Variants in SHPRH observed in about 807,000 individuals in gnomAD.
SHPRH encodes SNF2 histone linker PHD RING helicase, also known as E3 ubiquitin-protein ligase SHPRH.
SHPRH carries 106 observed loss-of-function variants against 202.5 expected under a neutral mutation model. The ratio of observed to expected loss-of-function variants is 0.52; its 90% confidence interval spans 0.45 to 0.62. The LOEUF (loss-of-function observed/expected upper bound fraction) is 0.62, where lower values mean the gene tolerates loss of function less well. SHPRH is among the 20% of genes least tolerant of loss of function. SHPRH has a pLI of 0.00. For synonymous variants in SHPRH, 729 were observed against 686.0 expected (o/e 1.06, Z -0.98); for missense variants, 1,710 against 2,020.0 (o/e 0.85, Z 2.94).
intron 16 of SHPRH, 50 bp downstream of exon 16, chr6:145,926,154 A>C (rs561386228): frequency 2.0e-6 from 3 of 1,494,874 alleles, no homozygotes; most frequent in Non-Finnish European, 2.8e-6. Flanking sequence ...TATGGAGCAT[A>C]AAGTTTGAAG....
intron 25 of SHPRH, chr6:145,906,682 T>G (rs1389508755): frequency 6.6e-6 from 1 of 152,112 alleles, no homozygotes; most frequent in Non-Finnish European, 1.5e-5. Flanking sequence ...TAGGTTCTGG[T>G]TACAATTCTG....
chr6:145,910,406 AT>A (rs1465221910), intron 25 of SHPRH, 41 bp downstream of exon 25: 1 of 1,594,752 alleles, frequency 6.3e-7, no homozygotes, highest in African/African-American at 1.3e-5. Context: ...CCTATATTAT[AT>A]TGCCTTACCT....
At chr6:145,949,515 T>C (rs904720734) in intron 4 of SHPRH, among the ~76,000 whole-genome samples, 3 of 152,092 alleles carry the variant, frequency 2.0e-5, no homozygotes, top group Non-Finnish European at 4.4e-5. Flanking sequence ...ATGTTCTTAC[T>C]TACAAGTGTG....
chr6:145,874,362 G>C (rs1780205948), intron 2 of SHPRH, among the ~76,000 whole-genome samples: 1 of 151,990 alleles, frequency 6.6e-6, no homozygotes, highest in Admixed American at 6.6e-5. Context: ...CAGTTGATAG[G>C]CTGGAAGAAC....
chr6:145,924,579 GC>G (rs1784702251), intron 17 of SHPRH, among the ~76,000 whole-genome samples, 159 bp downstream of exon 17: 1 of 151,852 alleles, frequency 6.6e-6, no homozygotes. Flanking sequence ...ATAAATCATT[GC>G]TAACAGTAAA....
intron 24 of SHPRH, 88 bp from the exon 25 acceptor site, chr6:145,910,724 C>T (rs1783417566): frequency 1.6e-6 from 2 of 1,262,340 alleles, no homozygotes. Context: ...AATTTTTCCT[C>T]CTAAAGATTT....
rs767378852 is a variant in SHPRH, at chr6:145,950,245, T to C, written c.982+19A>G. The C allele has an allele frequency of 1.9e-6, 3 of 1,609,508 alleles. No individual in the cohort carries two copies. In the East Asian group the frequency reaches 6.7e-5, roughly 36 times the overall value. The stretch of plus-strand genomic sequence containing the variant: ...ATCTCTCTAATCAATTGGACTTTCT[T>C]TAAACATCTTATTCTTACCAGTAGC... On this transcript the variant is annotated intron_variant, in intron 4 of 29. Transcript: ENST00000275233.
In SHPRH at chr6:145,943,357, A is replaced by G. The variant is rs1787000730; in HGVS notation, c.2024T>C (p.Val675Ala). 6.2e-7 allele frequency: 1 copy of G among 1,613,866 alleles called. No homozygotes were observed. Among genetic ancestry groups the G allele is most frequent in the African/African-American group, 1.3e-5 (1 of 74,902 alleles). ...ELDQIDRKPR[V>A]QCLKCHLWQH... ...CCACAGGTGACACTTCAGGCATTGA[A>G]CACGAGGCTTACGATCTATCTGATC... is the stretch of plus-strand genomic sequence containing the variant. Residue 675 changes from valine (V) to alanine (A), a missense_variant, in exon 9 of 30, where the codon GTT (valine) becomes GCT (alanine). This residue lies in a region of SHPRH where 348 missense variants were observed against 356.9 expected (regional missense o/e 0.97). Coordinates refer to ENST00000275233, the MANE Select transcript of SHPRH (RefSeq NM_001042683.3).
In SHPRH at chr6:145,913,530, C is replaced by T; in HGVS notation, c.4274G>A (p.Gly1425Glu). 2.5e-6 allele frequency: 4 copies of T among 1,608,282 alleles called. No individual in the cohort carries two copies. Among genetic ancestry groups the T allele is most frequent in the Non-Finnish European group, 3.4e-6 (4 of 1,177,580 alleles). ...TGGGCAAGGTTCTGGATTAACACCT[C>T]CCGATGTTTTATCTTGAGACTATCC... The part of the protein sequence containing the change: ...NLEKSQDKTS[G>E]GVNPEPCPIC... Residue 1425 changes from glycine (G) to glutamate (E), a missense_variant, in exon 24 of 30, where the codon GGA (glycine) becomes GAA (glutamate). Around this residue, in one of 8 missense-constraint regions of SHPRH, gnomAD observed 306 missense variants for 479.5 expected, o/e 0.64. Transcript: ENST00000275233.
the SHPRH span, among the ~76,000 whole-genome samples, chr6:145,858,289 TAGTC>T: frequency 6.6e-6 from 1 of 152,102 alleles, no homozygotes; most frequent in Non-Finnish European, 1.5e-5. Flanking sequence ...TTATTTGTAA[TAGTC>T]AGAAACTGAA....
intron 11 of SHPRH, 76 bp from the exon 12 acceptor site, chr6:145,935,517 C>T: frequency 7.2e-7 from 1 of 1,385,234 alleles, no homozygotes; most frequent in South Asian, 1.3e-5. Flanking sequence ...TTTCTACAGA[C>T]ATTACACAGC....
chr6:145,934,475 A>AATAAAATAAAATAAC, intron 13 of SHPRH, among the ~76,000 whole-genome samples: 1 of 146,868 alleles, frequency 6.8e-6, no homozygotes, highest in African/African-American at 2.5e-5. Flanking sequence ...TCAAAAAATA[A>AATAAAATAAAATAAC]ATAAAATAAA....
rs750544017 is a variant in SHPRH at position 145,921,215 on chromosome 6, T to C, written c.3960A>G (p.Glu1320=). 6.2e-7 allele frequency: 1 copy of C among 1,612,750 alleles called. No individual in the cohort carries two copies. Among genetic ancestry groups the C allele is most frequent in the East Asian group, 2.2e-5 (1 of 44,786 alleles). ...CAAAGAGATCCATTGAAGTGCTTCCTTCATCAACAAATTCAACATCAAACC... is the reference window on the plus strand; with the variant it reads ...CAAAGAGATCCATTGAAGTGCTTCCCTCATCAACAAATTCAACATCAAACC... The part of the protein sequence containing the change: ...SHRFDVEFVD[E]GSTSMDLFEA... The change falls in exon 21 of 30, where the codon GAA becomes GAG. Residue 1320 remains glutamate (E), a synonymous_variant. Transcript: ENST00000275233.
downstream of SHPRH, chr6:145,884,063 T>C (rs999771967): frequency 6.6e-6 from 1 of 152,202 alleles, no homozygotes; most frequent in Admixed American, 6.5e-5. Context: ...TCTTACTTTA[T>C]CCACCTGACA....
Position 145,955,231 on chromosome 6 carries a change from T to C in SHPRH, c.92A>G (p.Asn31Ser). 1.2e-6 allele frequency: 2 copies of C among 1,613,558 alleles called. No homozygotes were observed. Among genetic ancestry groups the C allele is most frequent in the Non-Finnish European group, 1.7e-6 (2 of 1,179,920 alleles). ...LHWNMHEDRR[N>S]EPIIISDDDE... ...ATCATCACTTATGATGATAGGTTCA[T>C]TCCTTCTGTCCTCATGCATATTCCA... is the stretch of plus-strand genomic sequence containing the variant. Residue 31 changes from asparagine (N) to serine (S), a missense_variant, in exon 2 of 30, where the codon AAT becomes AGT. By Grantham distance (46) the Asn-to-Ser change is conservative. Coordinates refer to ENST00000275233, the MANE Select transcript of SHPRH (RefSeq NM_001042683.3).
chr6:145,864,363 T>C, exon 3 of SHPRH: 1 of 420,646 alleles, frequency 2.4e-6, no homozygotes, highest in Non-Finnish European at 5.0e-6. Context: ...CAAAAAATTT[T>C]TAAAGTAAAT....
chr6:145,955,475 G>T, intron 1 of SHPRH, 121 bp from the exon 2 acceptor site: 2 of 950,598 alleles, frequency 2.1e-6, no homozygotes, highest in Non-Finnish European at 3.0e-6. Context: ...TCTTCTGTGA[G>T]ATATAAGGCA....
chr6:145,876,239 G>A (rs543882845), intron 2 of SHPRH, among the ~76,000 whole-genome samples: 4 of 150,598 alleles, frequency 2.7e-5, no homozygotes, highest in South Asian at 2.2e-4. Flanking sequence ...GAGGAGTGGC[G>A]GTGTACACCT....
intron 25 of SHPRH, chr6:145,910,112 T>C (rs956184631): frequency 5.5e-6 from 1 of 183,146 alleles, no homozygotes; most frequent in African/African-American, 2.3e-5. Context: ...GGAAAACTCT[T>C]TCTTTAAATA....
Sources: gnomAD v4.1 joint callset for allele counts (sites outside exome capture counted in the v4.1 genomes callset) on GRCh38, gnomAD v4.1.1 for gene constraint, gnomAD v4.1.1 regional missense constraint, MANE v1.5 for transcripts, NCBI Gene and HGNC (gene_info 2026-07-23, HGNC 2026-07-21) for gene names.